The following ITSN1 variants were observed in gnomAD, a reference collection of about 807,000 sequenced individuals.
ITSN1 encodes intersectin 1.
Under a neutral mutation model 239.8 loss-of-function variants are expected in ITSN1, and 58 were observed. The observed-to-expected ratio is 0.24, with a 90% CI of 0.20 to 0.30. The LOEUF (loss-of-function observed/expected upper bound fraction) is 0.30. ITSN1 is among the 10% of genes least tolerant of loss of function. The probability of loss-of-function intolerance (pLI) is 1.00; values close to 1 mark genes in which losing one functional copy is unlikely to be tolerated. For synonymous variants in ITSN1, 780 were observed against 770.8 expected, an observed-to-expected ratio of 1.01 and a Z score of -0.20; for missense variants, 1,558 against 2,103.3, an observed-to-expected ratio of 0.74 and a Z score of 5.07.
chr21:33,663,115 C>T (rs949601500), intron 1 of ITSN1, among the ~76,000 whole-genome samples: 2 of 152,170 alleles, frequency 1.3e-5, no homozygotes, highest in Non-Finnish European at 2.9e-5. Flanking sequence ...ATTTATTGAG[C>T]ACTGTTTTGG....
intron 8 of ITSN1, among the ~76,000 whole-genome samples, chr21:33,759,185 T>A (rs1223887684): frequency 6.6e-6 from 1 of 152,226 alleles, no homozygotes; most frequent in Non-Finnish European, 1.5e-5. Context: ...ATATCATGCT[T>A]ATATCAGTGG....
chr21:33,824,565 A>C (rs1377427599), intron 25 of ITSN1, among the ~76,000 whole-genome samples: 1 of 152,168 alleles, frequency 6.6e-6, no homozygotes, highest in Non-Finnish European at 1.5e-5. Context: ...AGGAGTGAGC[A>C]AGTGGACAAA....
chr21:33,846,469 T>C (rs1364469752), intron 29 of ITSN1, among the ~76,000 whole-genome samples: 1 of 152,232 alleles, frequency 6.6e-6, no homozygotes, highest in East Asian at 1.9e-4. Flanking sequence ...TACATCCCCA[T>C]TAAGACCTCC....
chr21:33,817,456 G>C (rs1055825138), intron 22 of ITSN1: 1 of 1,304,374 alleles, frequency 7.7e-7, no homozygotes, highest in East Asian at 5.5e-5. Context: ...GATGCCCCCA[G>C]GCAGAATTCA....
intron 1 of ITSN1, among the ~76,000 whole-genome samples, chr21:33,680,859 G>A (rs1315059423): frequency 6.6e-6 from 1 of 152,184 alleles, no homozygotes; most frequent in African/African-American, 2.4e-5. Flanking sequence ...TGTATCCCTT[G>A]CTCGTAGGTT....
chr21:33,682,633 A>T (rs909136068), intron 1 of ITSN1, among the ~76,000 whole-genome samples: 11 of 152,042 alleles, frequency 7.2e-5, no homozygotes, highest in Admixed American at 6.5e-4. Flanking sequence ...GGTACAAGTG[A>T]TGCTTGTGTG....
At chr21:33,826,390 C>G (rs531509149) in intron 25 of ITSN1, among the ~76,000 whole-genome samples, 75 of 152,206 alleles carry the variant, frequency 4.9e-4, no homozygotes, top group African/African-American at 1.7e-3. Flanking sequence ...GTGTTAAAAC[C>G]GGGTAGTAGG....
chr21:33,653,021 G>A (rs1452636476), intron 1 of ITSN1, among the ~76,000 whole-genome samples: 1 of 147,406 alleles, frequency 6.8e-6, no homozygotes, highest in Non-Finnish European at 1.5e-5. Context: ...TTTTGACAGA[G>A]TCGTGTTTTG....
intron 2 of ITSN1, among the ~76,000 whole-genome samples, chr21:33,719,389 C>T (rs2065352408): frequency 3.3e-5 from 5 of 152,116 alleles, no homozygotes; most frequent in Admixed American, 2.6e-4. Flanking sequence ...TGCAGTGAGC[C>T]GAGGTCGCAC....
At chr21:33,705,548 C>T (rs559538511) in intron 1 of ITSN1, among the ~76,000 whole-genome samples, 6 of 150,350 alleles carry the variant, frequency 4.0e-5, no homozygotes, top group South Asian at 4.2e-4. Flanking sequence ...CCACCACACC[C>T]GGCTAATTTT....
rs1203034505 is a variant in ITSN1, at chr21:33,890,495, C to G, written c.*2195C>G. Reference sequence around the variant, plus strand: ...AAAGCAATATGTGACTCTTTTTCCTCAAGTGACTCTGTTGAGCATCCTTGA... The same window carrying G: ...AAAGCAATATGTGACTCTTTTTCCTGAAGTGACTCTGTTGAGCATCCTTGA... On this transcript the variant is annotated 3_prime_UTR_variant, in exon 40 of 40. Transcript: ENST00000381318. 1 of 152,210 alleles carries G rather than the reference C, an allele frequency of 6.6e-6. No homozygotes were observed. The highest frequency in any genetic ancestry group is 1.5e-5 in the Non-Finnish European group (1 of 68,036). 9.4% of individuals were successfully genotyped at this position (152,210 alleles called of 1,614,324 possible).
Position 33,734,982 on chromosome 21 carries a change from G to A in ITSN1, c.186-62G>A. 4 of 1,443,232 alleles carry A rather than the reference G, an allele frequency of 2.8e-6. No homozygotes were observed. The South Asian group carries it at 5.6e-5, about 20-fold the overall frequency. 89.4% of individuals were successfully genotyped at this position (1,443,232 alleles called of 1,614,324 possible). ...TTTTGTTTTCGTGTTGGTGGGAGTG[G>A]TGGTTTTGGAAAGGTTCTTTTATGG... On this transcript the variant is annotated intron_variant, in intron 4 of 39. Coordinates refer to ENST00000381318, the MANE Select transcript of ITSN1 (RefSeq NM_003024.3).
intron 14 of ITSN1, among the ~76,000 whole-genome samples, chr21:33,776,412 A>T (rs1359137004): frequency 6.6e-6 from 1 of 151,538 alleles, no homozygotes; most frequent in Non-Finnish European, 1.5e-5. Context: ...AAACTTAAAA[A>T]TTAGCTGGCA....
At chr21:33,791,317 C>T (rs962037893) in intron 16 of ITSN1, among the ~76,000 whole-genome samples, 4 of 152,156 alleles carry the variant, frequency 2.6e-5, no homozygotes, top group Non-Finnish European at 1.5e-5. Context: ...CATAAGGTGC[C>T]AGAGCCTTCT....
At chr21:33,659,252 C>A (rs1033717918) in intron 1 of ITSN1, among the ~76,000 whole-genome samples, 8 of 152,192 alleles carry the variant, frequency 5.3e-5, no homozygotes, top group African/African-American at 1.9e-4. Context: ...GAGGAGAGGG[C>A]ATGGAAGCTC....
chr21:33,774,392 C>T (rs976390472), intron 12 of ITSN1: 1 of 174,736 alleles, frequency 5.7e-6, no homozygotes, highest in Non-Finnish European at 1.2e-5. Flanking sequence ...CATAAATTTT[C>T]CTTCTTGGCG....
intron 1 of ITSN1, among the ~76,000 whole-genome samples, chr21:33,666,949 T>C (rs190387577): frequency 6.6e-6 from 1 of 152,244 alleles, no homozygotes. Context: ...CAGGGAGGCA[T>C]TGTTTTACAT....
At chr21:33,880,961 T>C (rs80320240) in intron 34 of ITSN1, among the ~76,000 whole-genome samples, 3 of 148,930 alleles carry the variant, frequency 2.0e-5, no homozygotes, top group Non-Finnish European at 3.0e-5. Flanking sequence ...CCCCGAGAGG[T>C]GTTAGAGCCG....
chr21:33,779,841 C>CCT (rs1555912199), intron 14 of ITSN1, among the ~76,000 whole-genome samples: 1 of 148,602 alleles, frequency 6.7e-6, no homozygotes, highest in African/African-American at 2.5e-5. Flanking sequence ...TTTTTCTTTT[C>CCT]TTTTTTTTTT....
Sources: allele counts gnomAD v4.1 joint callset (sites outside exome capture counted in the v4.1 genomes callset), GRCh38; gene constraint gnomAD v4.1.1; transcripts MANE v1.5; gene names NCBI Gene and HGNC (gene_info 2026-07-23, HGNC 2026-07-21).